Variants in SLC16A10 observed in about 807,000 individuals in gnomAD.
SLC16A10 encodes monocarboxylate transporter 10.
A neutral mutation model predicts 40.0 loss-of-function variants in SLC16A10; 27 were observed. That is an observed-to-expected ratio of 0.67 (90% confidence interval 0.50 to 0.93). The LOEUF is 0.93. SLC16A10 is among the 40% of genes least tolerant of loss of function. The pLI is 0.00. For synonymous variants in SLC16A10, 213 were observed against 249.8 expected (o/e 0.85, Z 1.39); for missense variants, 529 against 658.2 (o/e 0.80, Z 2.15).
At chr6:111,102,449 C>G (rs1034318112) in intron 1 of SLC16A10, among the ~76,000 whole-genome samples, 1 of 151,964 alleles carries the variant, frequency 6.6e-6, no homozygotes. Flanking sequence ...GTTTTTGAGC[C>G]CTTTAGAAGC....
Position 111,220,010 on chromosome 6 carries a change from G to C in SLC16A10, c.1315+968G>C, listed in dbSNP as rs138737531. Among the ~76,000 whole-genome samples, 202 of 152,272 alleles carry C rather than the reference G, an allele frequency of 1.3e-3. 1 individual carries two copies. Among genetic ancestry groups the C allele is most frequent in the African/African-American group, 4.7e-3 (195 of 41,564 alleles). On this transcript the variant is annotated intron_variant, in intron 5 of 5. Transcript: ENST00000368851. ...AGGCGGAGGCGAGAGGATCTATTGC[G>C]CCTGGGAGATCAAGGCTGCAGAGCC...
intron 4 of SLC16A10, among the ~76,000 whole-genome samples, chr6:111,217,161 C>T (rs529699177): frequency 2.0e-5 from 3 of 152,354 alleles, no homozygotes; most frequent in Admixed American, 6.5e-5. Context: ...CTGCTGCCCC[C>T]GTGGGCCATG....
chr6:111,213,717 T>C (rs182952764), intron 4 of SLC16A10, among the ~76,000 whole-genome samples: 30 of 152,346 alleles, frequency 2.0e-4, no homozygotes, highest in African/African-American at 6.5e-4. Flanking sequence ...AGAGTAACCA[T>C]GTGCCATGGA....
chr6:111,088,399 C>T (rs1770909742), intron 1 of SLC16A10, among the ~76,000 whole-genome samples: 1 of 152,238 alleles, frequency 6.6e-6, no homozygotes, highest in Non-Finnish European at 1.5e-5. Context: ...CACAGGAGCC[C>T]TTCCTTTTAT....
chr6:111,097,489 T>A (rs568786254), intron 1 of SLC16A10, among the ~76,000 whole-genome samples: 72 of 152,036 alleles, frequency 4.7e-4, no homozygotes, highest in Admixed American at 1.2e-3. Context: ...TTTTTTTGTA[T>A]TTTTAGTAGA....
In SLC16A10 at chr6:111,229,857, C is replaced by T. The variant is rs1771074122; in HGVS notation, c.*7622C>T. ...AGGCGCCGTGGCTCACACCTGTAAT[C>T]CCAGCACTTTGGGAGGCCAAGGCAG... On this transcript the variant is annotated 3_prime_UTR_variant, in exon 6 of 6. Coordinates refer to ENST00000368851, the MANE Select transcript of SLC16A10 (RefSeq NM_018593.5). 1 of 152,178 alleles carries T rather than the reference C, an allele frequency of 6.6e-6. No homozygotes were observed. Among genetic ancestry groups the T allele is most frequent in the South Asian group, 2.1e-4 (1 of 4,780 alleles). 9.4% of individuals were successfully genotyped at this position (152,178 alleles called of 1,614,324 possible).
chr6:111,188,652 C>G (rs568124744), intron 3 of SLC16A10, among the ~76,000 whole-genome samples: 2 of 152,158 alleles, frequency 1.3e-5, no homozygotes, highest in Non-Finnish European at 2.9e-5. Context: ...AATTTACCCA[C>G]TGAGATTCAT....
intron 1 of SLC16A10, among the ~76,000 whole-genome samples, chr6:111,096,287 C>G (rs1173896022): frequency 6.6e-6 from 1 of 152,208 alleles, no homozygotes; most frequent in Non-Finnish European, 1.5e-5. Context: ...CACCGCCTAG[C>G]TAGAAATCTG....
rs1167622924 is a variant in SLC16A10, at chr6:111,192,988, A to AAT, written c.943-13602_943-13601dup. Among the ~76,000 whole-genome samples, 6 of 152,306 alleles carry AAT rather than the reference A, an allele frequency of 3.9e-5. No homozygotes were observed. The South Asian group carries it at 1.2e-3, about 32-fold the overall frequency. ...ACTTTATTAACTACTTATCTCTTCTAATAATACACTTGTTCTCATGTGGTT... is the reference window on the plus strand; with the variant it reads ...ACTTTATTAACTACTTATCTCTTCTAATATAATACACTTGTTCTCATGTGGTT... On this transcript the variant is annotated intron_variant, in intron 3 of 5. Coordinates refer to ENST00000368851, the MANE Select transcript of SLC16A10 (RefSeq NM_018593.5).
intron 1 of SLC16A10, among the ~76,000 whole-genome samples, chr6:111,157,312 C>T (rs1239475923): frequency 6.6e-6 from 1 of 151,940 alleles, no homozygotes; most frequent in Non-Finnish European, 1.5e-5. Flanking sequence ...GAGATGGAGT[C>T]TTGTACTGTC....
chr6:111,134,108 A>G (rs1280043371), intron 1 of SLC16A10, among the ~76,000 whole-genome samples: 1 of 152,160 alleles, frequency 6.6e-6, no homozygotes, highest in Admixed American at 6.5e-5. Context: ...CAATGATAGG[A>G]TGACAACGGA....
chr6:111,121,018 T>C (rs1381466816), intron 1 of SLC16A10, among the ~76,000 whole-genome samples: 1 of 152,202 alleles, frequency 6.6e-6, no homozygotes, highest in Non-Finnish European at 1.5e-5. Context: ...GAAAAAAATA[T>C]ATATTTTTGT....
chr6:111,100,113 C>CATTTAAAG (rs1771148442), intron 1 of SLC16A10, among the ~76,000 whole-genome samples: 1 of 151,548 alleles, frequency 6.6e-6, no homozygotes, highest in Non-Finnish European at 1.5e-5. Flanking sequence ...TAAACTACTA[C>CATTTAAAG]ATTTAAAGTA....
chr6:111,172,240 C>T (rs887645624), intron 1 of SLC16A10, among the ~76,000 whole-genome samples: 1 of 152,172 alleles, frequency 6.6e-6, no homozygotes, highest in Non-Finnish European at 1.5e-5. Context: ...AGCCCATTTT[C>T]ACTTAGGTTC....
chr6:111,131,004 C>G (rs1014782502), intron 1 of SLC16A10, among the ~76,000 whole-genome samples: 1 of 152,244 alleles, frequency 6.6e-6, no homozygotes, highest in Non-Finnish European at 1.5e-5. Context: ...ACACTTAAAA[C>G]AGTGACTGAC....
chr6:111,175,210 C>T (rs1333080720), intron 2 of SLC16A10, among the ~76,000 whole-genome samples: 5 of 152,130 alleles, frequency 3.3e-5, no homozygotes, highest in Non-Finnish European at 5.9e-5. Context: ...GATTGGTATC[C>T]GACAGCCTTA....
intron 5 of SLC16A10, among the ~76,000 whole-genome samples, chr6:111,221,029 A>C (rs1238012384): frequency 1.3e-5 from 2 of 152,058 alleles, no homozygotes; most frequent in African/African-American, 4.8e-5. Context: ...ATGGATGTAC[A>C]CATTTTTATG....
intron 3 of SLC16A10, among the ~76,000 whole-genome samples, chr6:111,190,061 G>A (rs891657688): frequency 7.9e-5 from 12 of 152,140 alleles, no homozygotes; most frequent in African/African-American, 1.4e-4. Flanking sequence ...CTGTGAAATC[G>A]AAAGCAAGTT....
At chr6:111,106,794 T>C (rs901336102) in intron 1 of SLC16A10, among the ~76,000 whole-genome samples, 1 of 152,212 alleles carries the variant, frequency 6.6e-6, no homozygotes, top group Non-Finnish European at 1.5e-5. Context: ...ACTCTGGAAA[T>C]GGTTTATGGA....
Sources: allele counts gnomAD v4.1 joint callset (sites outside exome capture counted in the v4.1 genomes callset), GRCh38; gene constraint gnomAD v4.1.1; transcripts MANE v1.5; gene names NCBI Gene and HGNC (gene_info 2026-07-23, HGNC 2026-07-21).